VOPP1: variants seen among roughly 807,000 people sequenced by gnomAD.
The protein encoded by VOPP1 is VOPP1 WW domain binding protein, also known as WW domain binding protein VOPP1.
VOPP1 carries 8 observed loss-of-function variants against 23.5 expected under a neutral mutation model. The ratio of observed to expected loss-of-function variants is 0.34; its 90% CI spans 0.20 to 0.61. VOPP1 has a LOEUF of 0.61. Among genes scored for constraint, VOPP1 ranks in the 20% least tolerant of loss-of-function variants. VOPP1 has a pLI of 0.78. For missense variants in VOPP1, 174 were observed against 238.1 expected (o/e 0.73, Z 1.77); for synonymous variants, 83 against 97.3 (o/e 0.85, Z 0.86).
intron 1 of VOPP1, among the ~76,000 whole-genome samples, chr7:55,547,926 C>G (rs998093661): frequency 6.6e-6 from 1 of 152,178 alleles, no homozygotes; most frequent in Non-Finnish European, 1.5e-5. Flanking sequence ...AATGTCTCTT[C>G]TTCCAACTTC....
intron 2 of VOPP1, among the ~76,000 whole-genome samples, chr7:55,516,357 T>A (rs778317746): frequency 2.0e-5 from 3 of 152,230 alleles, no homozygotes; most frequent in Middle Eastern, 3.4e-3. Flanking sequence ...TCCAGACCAA[T>A]AATGGAAAAA....
At chr7:55,551,775 C>A (rs1797615985) in intron 1 of VOPP1, among the ~76,000 whole-genome samples, 1 of 152,066 alleles carries the variant, frequency 6.6e-6, no homozygotes, top group African/African-American at 2.4e-5. Flanking sequence ...CGGGGTGGCT[C>A]ACGCCTGTAA....
intron 1 of VOPP1, among the ~76,000 whole-genome samples, chr7:55,564,269 C>T (rs953260797): frequency 8.0e-5 from 12 of 150,864 alleles, no homozygotes; most frequent in African/African-American, 2.2e-4. Context: ...CTCTCTCTCG[C>T]TCGCTTGCTC....
chr7:55,569,632 T>C (rs1798282663), intron 1 of VOPP1, among the ~76,000 whole-genome samples: 5 of 152,180 alleles, frequency 3.3e-5, no homozygotes, highest in Admixed American at 3.3e-4. Flanking sequence ...ATTAATGAGA[T>C]AACGTGTAAC....
chr7:55,497,575 G>C, intron 3 of VOPP1, 38 bp downstream of exon 3: 3 of 1,331,932 alleles, frequency 2.3e-6, no homozygotes, highest in South Asian at 1.2e-5. Context: ...GGGGGGCAGA[G>C]CTCTCGGGGT....
intron 1 of VOPP1, among the ~76,000 whole-genome samples, chr7:55,543,587 T>C (rs182080570): frequency 3.3e-5 from 5 of 152,332 alleles, no homozygotes; most frequent in Admixed American, 3.3e-4. Context: ...TCAGTCTTTT[T>C]GATAATAGCC....
At chr7:55,459,341 G>A (rs562904905) in intron 4 of VOPP1, among the ~76,000 whole-genome samples, 11 of 152,102 alleles carry the variant, frequency 7.2e-5, no homozygotes, top group South Asian at 4.1e-4. Flanking sequence ...TTTCTTTTTC[G>A]TTGTGTCCTT....
At chr7:55,509,877 CTGTGAGATGCTTTTCA>C (rs540780307) in intron 2 of VOPP1, among the ~76,000 whole-genome samples, 1,667 of 152,324 alleles carry the variant, frequency 0.011, 11 homozygotes, top group Middle Eastern at 0.02. Flanking sequence ...ATCGACTCTT[CTGTGAGATGCTTTTCA>C]TGCCCACCGC....
chr7:55,456,772 G>A (rs573726499), intron 4 of VOPP1, among the ~76,000 whole-genome samples: 6 of 152,222 alleles, frequency 3.9e-5, no homozygotes, highest in Admixed American at 2.0e-4. Context: ...ACACAGGGAG[G>A]GGAACATCAC....
At chr7:55,447,791 C>A (rs188596869) in intron 4 of VOPP1, among the ~76,000 whole-genome samples, 2 of 152,194 alleles carry the variant, frequency 1.3e-5, no homozygotes, top group Non-Finnish European at 2.9e-5. Flanking sequence ...CTTAATCCTG[C>A]CAGCCTTGGT....
At chr7:55,437,684 C>G (rs1790865006) in intron 4 of VOPP1, among the ~76,000 whole-genome samples, 1 of 152,162 alleles carries the variant, frequency 6.6e-6, no homozygotes, top group African/African-American at 2.4e-5. Context: ...GTCCTTGTCT[C>G]TTTTTCTTGA....
chr7:55,489,741 C>G (rs1357749145), intron 4 of VOPP1, among the ~76,000 whole-genome samples: 1 of 152,116 alleles, frequency 6.6e-6, no homozygotes. Flanking sequence ...AGGCTGCAAA[C>G]CTGGGAGCTC....
chr7:55,494,436 A>C (rs1793801767), intron 3 of VOPP1, among the ~76,000 whole-genome samples: 1 of 152,196 alleles, frequency 6.6e-6, no homozygotes, highest in Non-Finnish European at 1.5e-5. Context: ...CTAAAAAATA[A>C]GCTAAAATGT....
At chr7:55,522,482 G>A (rs957064334) in intron 1 of VOPP1, among the ~76,000 whole-genome samples, 2 of 152,204 alleles carry the variant, frequency 1.3e-5, no homozygotes, top group African/African-American at 4.8e-5. Context: ...TGGCACAGAA[G>A]AGCAATTTCA....
At chr7:55,538,798 C>T (rs1015777687) in intron 1 of VOPP1, 3 of 500,816 alleles carry the variant, frequency 6.0e-6, no homozygotes, top group Non-Finnish European at 1.0e-5. Context: ...GAGGAAACAT[C>T]TCCAAGCAAC....
At chr7:55,524,898 G>A (rs11761194) in intron 1 of VOPP1, among the ~76,000 whole-genome samples, 57 of 152,198 alleles carry the variant, frequency 3.7e-4, no homozygotes, top group Non-Finnish European at 7.3e-4. Context: ...CCAGGACTCA[G>A]GACAAAGCCA....
At chr7:55,521,751 G>A (rs143610890) in intron 1 of VOPP1, 13,748 of 986,838 alleles carry the variant, frequency 0.014, 101 homozygotes, top group Middle Eastern at 0.025. Flanking sequence ...GGGCAGGGCA[G>A]GGCAGGGTGG....
intron 2 of VOPP1, among the ~76,000 whole-genome samples, chr7:55,504,886 T>C (rs951312719): frequency 1.3e-5 from 2 of 152,244 alleles, no homozygotes; most frequent in African/African-American, 4.8e-5. Flanking sequence ...TTAACAACTG[T>C]GACACAGCCA....
Position 55,535,421 on chromosome 7 carries a change from C to T in VOPP1, c.55-14291G>A, listed in dbSNP as rs150634705. On this transcript the variant is annotated intron_variant, in intron 1 of 4. Coordinates refer to ENST00000285279, the MANE Select transcript of VOPP1 (RefSeq NM_030796.5). The stretch of plus-strand genomic sequence containing the variant: ...AGGCTCCCCCTGGAAACCCTGCTGC[C>T]TCACTGAGGGTGAAGTACAGACCCC... Among the ~76,000 whole-genome samples the T allele has an allele frequency of 3.4e-3, 511 of 152,346 alleles. 2 individuals carry two copies. The highest frequency in any genetic ancestry group is 0.011 in the African/African-American group (471 of 41,576).
Sources: gnomAD v4.1 joint callset for allele counts (sites outside exome capture counted in the v4.1 genomes callset) on GRCh38, gnomAD v4.1.1 for gene constraint, MANE v1.5 for transcripts, NCBI Gene and HGNC (gene_info 2026-07-23, HGNC 2026-07-21) for gene names.